RETREG1: variants seen among roughly 807,000 people sequenced by gnomAD.
RETREG1 encodes reticulophagy regulator 1, also known as family with sequence similarity 134 member B.
RETREG1 carries 44 observed loss-of-function variants against 54.8 expected under a neutral mutation model. The observed-to-expected ratio is 0.80, with a 90% CI of 0.63 to 1.03. The LOEUF is 1.03. Ranked by LOEUF, RETREG1 falls within the 50% of genes least tolerant of loss-of-function variation. RETREG1 has a pLI of 0.00. For missense variants in RETREG1, 554 were observed against 605.1 expected (o/e 0.92, Z 0.89); for synonymous variants, 217 against 238.5 (o/e 0.91, Z 0.83).
intron 1 of RETREG1, among the ~76,000 whole-genome samples, chr5:16,609,248 T>C (rs997242642): frequency 6.6e-6 from 1 of 152,194 alleles, no homozygotes; most frequent in Non-Finnish European, 1.5e-5. Flanking sequence ...TGTTTCCTCC[T>C]GTGTAAAATG....
At chr5:16,522,599 A>G (rs1227501090) in intron 3 of RETREG1, among the ~76,000 whole-genome samples, 1 of 152,234 alleles carries the variant, frequency 6.6e-6, no homozygotes, top group African/African-American at 2.4e-5. Flanking sequence ...TCATGGTGTT[A>G]ATCCCCAATC....
intron 3 of RETREG1, among the ~76,000 whole-genome samples, chr5:16,536,230 G>A (rs1741069177): frequency 1.3e-5 from 2 of 152,150 alleles, no homozygotes; most frequent in South Asian, 2.1e-4. Context: ...CCAAATGCTA[G>A]GACTGACCAG....
At chr5:16,509,731 T>TCA (rs997416187) in intron 3 of RETREG1, among the ~76,000 whole-genome samples, 2 of 152,194 alleles carry the variant, frequency 1.3e-5, no homozygotes, top group Admixed American at 1.3e-4. Context: ...GTGCTGTGGC[T>TCA]CACGCCTGTA....
At chr5:16,509,088 T>C (rs1360241335) in intron 3 of RETREG1, 1 of 908,928 alleles carries the variant, frequency 1.1e-6, no homozygotes, top group South Asian at 5.0e-5. Context: ...AAGGGTGGAG[T>C]GGCCACAGGA....
rs541628850 is a variant in RETREG1, at chr5:16,535,904, A to G, written c.458+29859T>C. ...GTTCCTGTGTGCACGCTGCCTTCAC[A>G]AAGTGGGAGCTGGGGTTCCTGTGTA... On this transcript the variant is annotated intron_variant, in intron 3 of 8. Coordinates refer to ENST00000306320, the MANE Select transcript of RETREG1 (RefSeq NM_001034850.3). Among the ~76,000 whole-genome samples, 54 of 133,174 alleles carry G rather than the reference A, an allele frequency of 4.1e-4. 1 individual carries two copies. Among genetic ancestry groups the G allele is most frequent in the East Asian group, 6.8e-4 (3 of 4,416 alleles). 87.4% of individuals were successfully genotyped at this position (133,174 alleles called of 152,430 possible). A position where few individuals can be genotyped will look rare whatever the true frequency, so the allele number is the denominator to read the frequency against.
intron 3 of RETREG1, among the ~76,000 whole-genome samples, chr5:16,554,091 C>A (rs932325587): frequency 6.6e-6 from 1 of 152,202 alleles, no homozygotes; most frequent in African/African-American, 2.4e-5. Flanking sequence ...GAGGCTGAAC[C>A]TTTGAGCTTG....
intron 3 of RETREG1, among the ~76,000 whole-genome samples, chr5:16,490,868 C>A (rs1397546444): frequency 6.6e-6 from 1 of 152,146 alleles, no homozygotes; most frequent in Non-Finnish European, 1.5e-5. Context: ...CCCTAAATGC[C>A]AAGCTACACA....
intron 2 of RETREG1, among the ~76,000 whole-genome samples, chr5:16,569,845 A>G (rs1282679339): frequency 6.6e-6 from 1 of 152,240 alleles, no homozygotes; most frequent in African/African-American, 2.4e-5. Flanking sequence ...TACTTACAAG[A>G]GGAAGATGGA....
chr5:16,540,250 T>G (rs1189852908), intron 3 of RETREG1, among the ~76,000 whole-genome samples: 1 of 152,226 alleles, frequency 6.6e-6, no homozygotes, highest in East Asian at 1.9e-4. Context: ...ATGATCTCTA[T>G]CCTATTGATG....
intron 3 of RETREG1, among the ~76,000 whole-genome samples, chr5:16,548,101 T>A (rs1005130252): frequency 6.6e-6 from 1 of 152,168 alleles, no homozygotes; most frequent in South Asian, 2.1e-4. Context: ...CACAACTCTA[T>A]GAAATAAAGA....
At position 16,597,206 on chromosome 5, in the gene RETREG1, G is replaced by C. The variant is rs144095702; in HGVS notation, c.320+19446C>G. 9.7e-4 allele frequency among the ~76,000 whole-genome samples: 148 copies of C among 152,350 alleles called. No homozygotes were observed. The highest frequency in any genetic ancestry group is 3.3e-3 in the African/African-American group (138 of 41,590). On this transcript the variant is annotated intron_variant, in intron 1 of 8. Coordinates refer to ENST00000306320, the MANE Select transcript of RETREG1 (RefSeq NM_001034850.3). This position sits in a 1 kb window ranked among gnomAD's most constrained non-coding sequence, Gnocchi z 4.3. ...AAGTGTGGCTGTGTGCCCCTGGCAA[G>C]TCACCTGACTTCTCTGTGCCTCAGT...
At chr5:16,577,327 G>A (rs1234586969) in intron 1 of RETREG1, among the ~76,000 whole-genome samples, 1 of 149,890 alleles carries the variant, frequency 6.7e-6, no homozygotes, top group East Asian at 2.0e-4. Flanking sequence ...AAAGATAGGT[G>A]GTAGTGCCTG....
In RETREG1 at chr5:16,513,755, T is replaced by G. The variant is rs947800024; in HGVS notation, c.459-30283A>C. On this transcript the variant is annotated intron_variant, in intron 3 of 8. Transcript: ENST00000306320. Reference sequence around the variant, plus strand: ...ATTTTCAGAAAAACATTTGCAAGAATGAGTCCTGTTTTCTCTGTTCGATGC... The same window carrying G: ...ATTTTCAGAAAAACATTTGCAAGAAGGAGTCCTGTTTTCTCTGTTCGATGC... Among the ~76,000 whole-genome samples the G allele has an allele frequency of 8.0e-4, 122 of 152,374 alleles. 1 individual carries two copies. Among genetic ancestry groups the G allele is most frequent in the Non-Finnish European group, 3.5e-4 (24 of 68,034 alleles).
chr5:16,490,575 A>G (rs1433038475), intron 3 of RETREG1, among the ~76,000 whole-genome samples: 1 of 152,120 alleles, frequency 6.6e-6, no homozygotes, highest in Non-Finnish European at 1.5e-5. Context: ...CTATCTTATA[A>G]ACTTACTACT....
intron 1 of RETREG1, among the ~76,000 whole-genome samples, chr5:16,600,039 C>G (rs1743009836): frequency 6.6e-6 from 1 of 152,152 alleles, no homozygotes; most frequent in African/African-American, 2.4e-5. Context: ...GTGAAGATGT[C>G]ACCCAGGCTG....
rs1742500863 is a variant in RETREG1 at position 16,582,112 on chromosome 5, TATACATAA to T, written c.321-10018_321-10011del. 2.0e-5 allele frequency among the ~76,000 whole-genome samples: 3 copies of T among 152,384 alleles called. No homozygotes were observed. In the South Asian group the frequency reaches 6.2e-4, roughly 32 times the overall value. On this transcript the variant is annotated intron_variant, in intron 1 of 8. Transcript: ENST00000306320. ...AACATTATATATGACAATTCTATGC[TATACATAA>T]ATACATAAAGTCTATGTGTATAATA... is the stretch of plus-strand genomic sequence containing the variant.
intron 5 of RETREG1, among the ~76,000 whole-genome samples, chr5:16,479,452 C>CT (rs1738677485): frequency 6.6e-6 from 1 of 152,086 alleles, no homozygotes; most frequent in African/African-American, 2.4e-5. Context: ...TTATTAGCCT[C>CT]TCATCAATAA....
rs563370925 is a variant in RETREG1 at position 16,477,777 on chromosome 5, C to T, written c.885G>A (p.Thr295=). The T allele has an allele frequency of 7.0e-5, 113 of 1,613,278 alleles. No homozygotes were observed. In the South Asian group the frequency reaches 1.1e-3, roughly 15 times the overall value. Residue 295 remains threonine, a synonymous_variant, in exon 8 of 9, where the codon ACG becomes ACA. Coordinates refer to ENST00000306320, the MANE Select transcript of RETREG1 (RefSeq NM_001034850.3). ...FSALCPKISL[T]VAAKELSVSD... ...ACACAGATAACTCTTTGGCAGCAAC[C>T]GTGAGGCTAATCTGTGTTAATATAA...
At chr5:16,557,858 G>T (rs1224941099) in intron 3 of RETREG1, among the ~76,000 whole-genome samples, 1 of 151,940 alleles carries the variant, frequency 6.6e-6, no homozygotes, top group African/African-American at 2.4e-5. Context: ...TAATTGCTAT[G>T]GTTTGAAAGT....
Sources: gnomAD v4.1 joint callset for allele counts (sites outside exome capture counted in the v4.1 genomes callset) on GRCh38, gnomAD v4.1.1 for gene constraint, Gnocchi (gnomAD v3.1) non-coding constraint, MANE v1.5 for transcripts, NCBI Gene and HGNC (gene_info 2026-07-23, HGNC 2026-07-21) for gene names.